MTA1: variants seen among roughly 807,000 people sequenced by gnomAD.
The protein encoded by MTA1 is metastasis-associated protein MTA1.
Under a neutral mutation model 97.0 loss-of-function variants are expected in MTA1, and 15 were observed. The observed-to-expected ratio is 0.15, with a 90% CI of 0.10 to 0.24. The LOEUF (loss-of-function observed/expected upper bound fraction) is 0.24. MTA1 is among the 10% of genes least tolerant of loss of function. The pLI is 1.00. For missense variants in MTA1, 709 were observed against 1,015.1 expected, an observed-to-expected ratio of 0.70 and a Z score of 4.10; for synonymous variants, 435 against 417.5, an observed-to-expected ratio of 1.04 and a Z score of -0.51.
chr14:105,434,146 G>A (rs2082261297), intron 1 of MTA1, among the ~76,000 whole-genome samples: 1 of 152,194 alleles, frequency 6.6e-6, no homozygotes, highest in African/African-American at 2.4e-5. Flanking sequence ...AGTATGAAAT[G>A]TGTAGAAATT....
chr14:105,464,626 G>A, intron 14 of MTA1, 48 bp from the exon 15 acceptor site: 1 of 1,609,010 alleles, frequency 6.2e-7, no homozygotes, highest in Non-Finnish European at 8.5e-7. Flanking sequence ...CGGGTCCTCG[G>A]CCCCCGGTCA....
intron 7 of MTA1, among the ~76,000 whole-genome samples, chr14:105,455,165 C>G (rs1206770015): frequency 6.6e-6 from 1 of 152,254 alleles, no homozygotes; most frequent in South Asian, 2.1e-4. Context: ...TTCGACCTCC[C>G]AAACTGCTGG....
chr14:105,454,148 G>A, intron 6 of MTA1, 45 bp from the exon 7 acceptor site: 1 of 1,487,050 alleles, frequency 6.7e-7, no homozygotes, highest in Non-Finnish European at 9.4e-7. Context: ...CCTCCCAGCA[G>A]CCTGACTGTG....
intron 2 of MTA1, among the ~76,000 whole-genome samples, chr14:105,439,618 G>A (rs782608647): frequency 4.6e-5 from 7 of 152,178 alleles, no homozygotes; most frequent in African/African-American, 7.2e-5. Flanking sequence ...CTTTCTAAGG[G>A]TGTTGAGGGA....
chr14:105,448,722 G>A (rs1436390345), intron 3 of MTA1, among the ~76,000 whole-genome samples: 1 of 152,102 alleles, frequency 6.6e-6, no homozygotes, highest in Non-Finnish European at 1.5e-5. Flanking sequence ...AACAGGCCCA[G>A]CATGGCTGCT....
chr14:105,465,822 C>CA (rs2083558639), intron 16 of MTA1: 2 of 152,688 alleles, frequency 1.3e-5, no homozygotes, highest in African/African-American at 4.8e-5. Context: ...TTGCTGGGCT[C>CA]GAGTGGGCTT....
At chr14:105,446,292 C>T (rs2082716326) in intron 3 of MTA1, among the ~76,000 whole-genome samples, 1 of 152,184 alleles carries the variant, frequency 6.6e-6, no homozygotes, top group South Asian at 2.1e-4. Context: ...GCATTTTTGG[C>T]TTCCACTCTG....
intron 2 of MTA1, 96 bp from the exon 3 acceptor site, chr14:105,445,322 C>A (rs782286800): frequency 8.6e-5 from 95 of 1,101,640 alleles, no homozygotes; most frequent in Non-Finnish European, 1.1e-4. Flanking sequence ...CACCTGCAGT[C>A]CCTGGACGGC....
At chr14:105,467,596 C>T (rs2083650242) in intron 18 of MTA1, 3 of 411,000 alleles carry the variant, frequency 7.3e-6, no homozygotes. Context: ...TGGACACGCA[C>T]CCCTGGCCTG....
In MTA1 at chr14:105,464,094, C is replaced by A; in HGVS notation, c.1139C>A (p.Thr380Lys). ...NNVKAGVVNG[T>K]GAPGQSPGAG... ...GTCAAGGCCGGTGTGGTGAACGGCACGGGGGCGCCGGGCCAGAGCCCTGGG... is the reference window on the plus strand; with the variant it reads ...GTCAAGGCCGGTGTGGTGAACGGCAAGGGGGCGCCGGGCCAGAGCCCTGGG... Residue 380 changes from threonine to lysine, a missense_variant, in exon 13 of 21, where the codon ACG becomes AAG. Around this residue, in one of 2 missense-constraint regions of MTA1, gnomAD observed 321 missense variants for 593.5 expected, o/e 0.54. Coordinates refer to ENST00000331320, the MANE Select transcript of MTA1 (RefSeq NM_004689.4). 6.2e-7 allele frequency: 1 copy of A among 1,612,286 alleles called. No homozygotes were observed. Among genetic ancestry groups the A allele is most frequent in the Non-Finnish European group, 8.5e-7 (1 of 1,179,714 alleles).
At chr14:105,428,527 C>G (rs2082079696) in intron 1 of MTA1, among the ~76,000 whole-genome samples, 1 of 152,106 alleles carries the variant, frequency 6.6e-6, no homozygotes, top group South Asian at 2.1e-4. Flanking sequence ...TTCGGACTCC[C>G]ATAGTGCTGA....
In MTA1 at chr14:105,470,251, G is replaced by T; in HGVS notation, c.*36G>T. On this transcript the variant is annotated 3_prime_UTR_variant, in exon 21 of 21. Coordinates refer to ENST00000331320, the MANE Select transcript of MTA1 (RefSeq NM_004689.4). ...CACCTGCGGCCGCCCCCCGCCCCTC[G>T]CCCGCCCACACGGCCCCTTCCCAGC... 8.7e-7 allele frequency: 1 copy of T among 1,155,864 alleles called. No homozygotes were observed. The highest frequency in any genetic ancestry group is 1.6e-5 in the South Asian group (1 of 63,444). 71.6% of individuals were successfully genotyped at this position (1,155,864 alleles called of 1,614,324 possible). A position where few individuals can be genotyped will look rare whatever the true frequency, so the allele number is the denominator to read the frequency against.
In MTA1 at chr14:105,464,769, G is replaced by A. The variant is rs979408160; in HGVS notation, c.1440G>A (p.Arg480=). ...AFYLHTTKLT[R]IARRLCREIL... ...ATCTGCACACGACGAAGCTGACGCG[G>A]ATCGCCCGGCGCCTGTGCCGTGAGA... The change falls in exon 15 of 21, where the codon CGG becomes CGA. Residue 480 remains arginine, a synonymous_variant. Coordinates refer to ENST00000331320, the MANE Select transcript of MTA1 (RefSeq NM_004689.4). 2 of 1,609,676 alleles carry A rather than the reference G, an allele frequency of 1.2e-6. No homozygotes were observed. Among genetic ancestry groups the A allele is most frequent in the Non-Finnish European group, 1.7e-6 (2 of 1,177,564 alleles).
chr14:105,462,174 G>A (rs899018515), intron 10 of MTA1, among the ~76,000 whole-genome samples: 15 of 152,260 alleles, frequency 9.9e-5, no homozygotes, highest in Non-Finnish European at 2.1e-4. Flanking sequence ...CTGCAGCTTC[G>A]GGGCTGTGTC....
intron 1 of MTA1, among the ~76,000 whole-genome samples, chr14:105,429,618 AT>A (rs1392937606): frequency 6.6e-6 from 1 of 150,584 alleles, no homozygotes; most frequent in Non-Finnish European, 1.5e-5. Context: ...TGCCCGGCTA[AT>A]TTTTTGTATT....
In MTA1 at chr14:105,450,044, T is replaced by A; in HGVS notation, c.242-14T>A. ...CGTCTGCCGCGGTGCTGACAGGGGC[T>A]CCTTGTCCTTCAGGGGAAATAGAAG... On this transcript the variant is annotated splice_polypyrimidine_tract_variant and intron_variant, in intron 4 of 20. Transcript: ENST00000331320. 2.5e-6 allele frequency: 4 copies of A among 1,613,394 alleles called. No individual in the cohort carries two copies. The highest frequency in any genetic ancestry group is 3.4e-6 in the Non-Finnish European group (4 of 1,179,836).
chr14:105,463,077 G>C lies in MTA1; in HGVS notation c.943-107G>C. On this transcript the variant is annotated intron_variant, in intron 10 of 20. Transcript: ENST00000331320. The surrounding 1 kb of genome is among the most constrained non-coding windows in gnomAD (Gnocchi z 5.9). ...TGCACCAAGCACACCTCGCCCTCTG[G>C]CCTCCCGCCCCCTCTGTGGCCTTCT... is the stretch of plus-strand genomic sequence containing the variant. 2 of 1,129,176 alleles carry C rather than the reference G, an allele frequency of 1.8e-6. No individual in the cohort carries two copies. The highest frequency in any genetic ancestry group is 2.6e-6 in the Non-Finnish European group (2 of 768,288). 69.9% of individuals were successfully genotyped at this position (1,129,176 alleles called of 1,614,324 possible). A position where few individuals can be genotyped will look rare whatever the true frequency, so the allele number is the denominator to read the frequency against.
Position 105,445,457 on chromosome 14 carries a change from T to C in MTA1, c.136T>C (p.Tyr46His). 1 of 1,613,748 alleles carries C rather than the reference T, an allele frequency of 6.2e-7. No individual in the cohort carries two copies. Among genetic ancestry groups the C allele is most frequent in the Non-Finnish European group, 8.5e-7 (1 of 1,179,968 alleles). ...GNVEAKVVCF[Y>H]RRRDISSTLI... ...CGTGGAGGCCAAAGTGGTGTGCTTCTACCGGAGGCGGGACATCTCCAGCAC... is the reference window on the plus strand; with the variant it reads ...CGTGGAGGCCAAAGTGGTGTGCTTCCACCGGAGGCGGGACATCTCCAGCAC... The change falls in exon 3 of 21, where the codon TAC (tyrosine) becomes CAC (histidine). Residue 46 changes from tyrosine to histidine, a missense_variant. Coordinates refer to ENST00000331320, the MANE Select transcript of MTA1 (RefSeq NM_004689.4).
chr14:105,420,160 G>A lies in MTA1; in HGVS notation c.28+97G>A. 1 of 598,838 alleles carries A rather than the reference G, an allele frequency of 1.7e-6. No individual in the cohort carries two copies. The highest frequency in any genetic ancestry group is 2.1e-6 in the Non-Finnish European group (1 of 482,020). 37.1% of individuals were successfully genotyped at this position (598,838 alleles called of 1,614,324 possible). On this transcript the variant is annotated intron_variant, in intron 1 of 20. Coordinates refer to ENST00000331320, the MANE Select transcript of MTA1 (RefSeq NM_004689.4). The surrounding 1 kb of genome is among the most constrained non-coding windows in gnomAD (Gnocchi z 5.3). Reference sequence around the variant, plus strand: ...CCCGCCCCTCTGCCCCGCAGGCCCCGCGCCCCCCGCCCGCCCTCGCGGCCC... The same window carrying A: ...CCCGCCCCTCTGCCCCGCAGGCCCCACGCCCCCCGCCCGCCCTCGCGGCCC...
Sources: gnomAD v4.1 joint callset for allele counts (sites outside exome capture counted in the v4.1 genomes callset) on GRCh38, gnomAD v4.1.1 for gene constraint, gnomAD v4.1.1 regional missense constraint, Gnocchi (gnomAD v3.1) non-coding constraint, MANE v1.5 for transcripts, NCBI Gene and HGNC (gene_info 2026-07-23, HGNC 2026-07-21) for gene names.